CCDC171: variants seen among roughly 807,000 people sequenced by gnomAD.
CCDC171 encodes the protein coiled-coil domain containing 171, also known as coiled-coil domain-containing protein 171.
In CCDC171, 177 loss-of-function variants were observed where a neutral mutation model predicts 168.2. The ratio of observed to expected loss-of-function variants is 1.05; its 90% CI spans 0.93 to 1.19. The LOEUF (loss-of-function observed/expected upper bound fraction) is 1.19. Among genes scored for constraint, CCDC171 ranks in the 50% most tolerant of loss-of-function variants. The pLI is 0.00. For synonymous variants in CCDC171, 687 were observed against 540.8 expected (o/e 1.27, Z -3.75); for missense variants, 1,991 against 1,539.0 (o/e 1.29, Z -4.91).
chr9:16,041,272 A>C (rs1222852213), upstream of CCDC171, among the ~76,000 whole-genome samples: 1 of 152,200 alleles, frequency 6.6e-6, no homozygotes. Context: ...GATTTGGCCA[A>C]CTAGGTCAGT....
chr9:15,818,458 G>C (rs1204018020), intron 21 of CCDC171, among the ~76,000 whole-genome samples: 1 of 117,026 alleles, frequency 8.5e-6, no homozygotes, highest in East Asian at 2.1e-4. Flanking sequence ...AAAAAAATTA[G>C]ACGAATGGCT....
Position 15,814,007 on chromosome 9 carries a change from G to T in CCDC171, c.3267+29313G>T, listed in dbSNP as rs569899752. On this transcript the variant is annotated intron_variant, in intron 21 of 25. Coordinates refer to ENST00000380701, the MANE Select transcript of CCDC171 (RefSeq NM_173550.4). ...GATTTGCAGTTTCAGTAAATGGAAG[G>T]CCTTGGGAATACCATGGCCCCTTGA... is the stretch of plus-strand genomic sequence containing the variant. Among the ~76,000 whole-genome samples, 12 of 152,284 alleles carry T rather than the reference G, an allele frequency of 7.9e-5. No individual in the cohort carries two copies. The East Asian group carries it at 2.1e-3, about 27-fold the overall frequency.
rs754593075 is a variant in CCDC171, at chr9:15,610,444, TAAAAAAAAAAAAAAAAAAAAAA to T, written c.676-12807_676-12786del. 7.5e-3 allele frequency among the ~76,000 whole-genome samples: 95 copies of T among 12,726 alleles called. 1 individual carries two copies. Among genetic ancestry groups the T allele is most frequent in the African/African-American group, 0.018 (76 of 4,130 alleles). The allele number at this position is 12,726 out of a possible 152,430, so 8.3% of individuals were successfully genotyped here. A position where few individuals can be genotyped will look rare whatever the true frequency, so the allele number is the denominator to read the frequency against. The stretch of plus-strand genomic sequence containing the variant: ...CAACATGGTGAAACCCCATCTCAAC[TAAAAAAAAAAAAAAAAAAAAAA>T]AAAAAAAAAAAAAAACTGGGCGTGG... On this transcript the variant is annotated intron_variant, in intron 6 of 25. Coordinates refer to ENST00000380701, the MANE Select transcript of CCDC171 (RefSeq NM_173550.4).
At chr9:15,742,090 A>G (rs1465179850) in intron 16 of CCDC171, among the ~76,000 whole-genome samples, 1 of 150,666 alleles carries the variant, frequency 6.6e-6, no homozygotes, top group Non-Finnish European at 1.5e-5. Flanking sequence ...TTTTTTCTCT[A>G]ATTGAACAGA....
At chr9:15,769,578 T>C (rs914828644) in intron 18 of CCDC171, among the ~76,000 whole-genome samples, 6 of 152,258 alleles carry the variant, frequency 3.9e-5, no homozygotes, top group African/African-American at 1.4e-4. Flanking sequence ...CAGATATTTT[T>C]ATATTGTAAT....
chr9:15,591,278 AATG>A, intron 4 of CCDC171, 85 bp from the exon 5 acceptor site: 1 of 742,722 alleles, frequency 1.3e-6, no homozygotes, highest in Non-Finnish European at 2.3e-6. Flanking sequence ...TCATGCTGTA[AATG>A]ATGTCAACTC....
intron 24 of CCDC171, among the ~76,000 whole-genome samples, chr9:15,905,400 A>G (rs1563974295): frequency 6.6e-6 from 1 of 152,216 alleles, no homozygotes; most frequent in Non-Finnish European, 1.5e-5. Context: ...ATGGAAACTG[A>G]ACAACCTGCT....
chr9:15,687,762 C>T (rs1047878075), intron 10 of CCDC171, among the ~76,000 whole-genome samples: 14 of 152,086 alleles, frequency 9.2e-5, no homozygotes, highest in Non-Finnish European at 1.9e-4. Flanking sequence ...TATATGCCAA[C>T]AAATTAGATA....
At chr9:15,868,992 G>A (rs2061911550) in intron 23 of CCDC171, among the ~76,000 whole-genome samples, 1 of 151,930 alleles carries the variant, frequency 6.6e-6, no homozygotes, top group African/African-American at 2.4e-5. Flanking sequence ...ATTGCTTCTA[G>A]ATTTATTTAT....
intron 3 of CCDC171, among the ~76,000 whole-genome samples, chr9:15,979,213 A>G (rs1438878836): frequency 1.3e-5 from 2 of 152,156 alleles, no homozygotes; most frequent in African/African-American, 4.8e-5. Context: ...ATTTTTCTAT[A>G]GACAAAGTGG....
intron 25 of CCDC171, among the ~76,000 whole-genome samples, chr9:15,960,335 A>G (rs1830221473): frequency 6.6e-6 from 1 of 152,210 alleles, no homozygotes; most frequent in South Asian, 2.1e-4. Context: ...TACCTGGAAC[A>G]GTATTTGGCA....
the CCDC171 span, among the ~76,000 whole-genome samples, chr9:16,085,773 T>C: frequency 6.6e-6 from 1 of 152,208 alleles, no homozygotes; most frequent in South Asian, 2.1e-4. Flanking sequence ...CAATAAACAC[T>C]TATAGTGCCC....
At chr9:15,643,686 C>T (rs774780699) in intron 7 of CCDC171, among the ~76,000 whole-genome samples, 2 of 152,146 alleles carry the variant, frequency 1.3e-5, no homozygotes, top group Non-Finnish European at 2.9e-5. Context: ...CATCACCCCA[C>T]TAAGAAATTT....
chr9:15,948,670 G>A (rs1828718297), intron 25 of CCDC171, among the ~76,000 whole-genome samples: 1 of 151,784 alleles, frequency 6.6e-6, no homozygotes, highest in African/African-American at 2.4e-5. Flanking sequence ...TTTTGATGGG[G>A]TTGTTTTTTT....
At chr9:15,566,194 T>TG (rs1285558666) in intron 2 of CCDC171, among the ~76,000 whole-genome samples, 1 of 148,952 alleles carries the variant, frequency 6.7e-6, no homozygotes, top group Non-Finnish European at 1.5e-5. Flanking sequence ...TTTTAAATTG[T>TG]GTTTTTTTTT....
chr9:15,744,229 C>A (rs748169954), intron 16 of CCDC171, 44 bp from the exon 17 acceptor site: 16 of 1,455,340 alleles, frequency 1.1e-5, no homozygotes, highest in East Asian at 4.7e-5. Flanking sequence ...AATATAATGC[C>A]TGTTTGTTTC....
intron 25 of CCDC171, among the ~76,000 whole-genome samples, chr9:15,921,925 T>C (rs1030438784): frequency 2.6e-5 from 4 of 151,638 alleles, no homozygotes; most frequent in African/African-American, 9.7e-5. Flanking sequence ...TTATTTAATA[T>C]GAAAACAATT....
At chr9:15,681,029 A>G (rs116324267) in intron 10 of CCDC171, among the ~76,000 whole-genome samples, 2,229 of 152,270 alleles carry the variant, frequency 0.015, 50 homozygotes, top group African/African-American at 0.05. Flanking sequence ...AGTGATTAAA[A>G]AATTTTACTT....
chr9:15,660,014 C>G (rs1240672597), intron 8 of CCDC171, among the ~76,000 whole-genome samples: 1 of 152,020 alleles, frequency 6.6e-6, no homozygotes, highest in Non-Finnish European at 1.5e-5. Flanking sequence ...TTTTTAAAGA[C>G]TTACACTTTT....
Sources: allele counts gnomAD v4.1 joint callset (sites outside exome capture counted in the v4.1 genomes callset), GRCh38; gene constraint gnomAD v4.1.1; transcripts MANE v1.5; gene names NCBI Gene and HGNC (gene_info 2026-07-23, HGNC 2026-07-21).